SLC7A4: variants seen among roughly 807,000 people sequenced by gnomAD.
SLC7A4 encodes solute carrier family 7 member 4.
In SLC7A4, 30 loss-of-function variants were observed where a neutral mutation model predicts 37.8. That is an observed-to-expected ratio of 0.79 (90% CI 0.59 to 1.08). The LOEUF is 1.08. SLC7A4 is among the 50% of genes least tolerant of loss of function. The pLI is 0.00. For synonymous variants in SLC7A4, 359 were observed against 376.5 expected (o/e 0.95, Z 0.54); for missense variants, 839 against 843.2 (o/e 1.00, Z 0.06).
In SLC7A4 at chr22:21,029,436, C is replaced by T. The variant is rs748445272; in HGVS notation, c.1632G>A (p.Met544Ile). 4.3e-6 allele frequency: 7 copies of T among 1,612,160 alleles called. No homozygotes were observed. The highest frequency in any genetic ancestry group is 2.7e-5 in the African/African-American group (2 of 74,822). ...TGCTCAGGGCTGGAATCAGGGGAAC[C>T]ATGGGGATCTGAGGAGGCAGAGGCA... ...QYREDLFQIPMVPLIPALSIV... is the reference protein window; with the variant it reads ...QYREDLFQIPIVPLIPALSIV... Residue 544 changes from methionine to isoleucine, a missense_variant, in exon 4 of 5, where the codon ATG becomes ATA. Physicochemically the swap from Met to Ile is conservative, Grantham distance 10. Coordinates refer to ENST00000382932, the MANE Select transcript of SLC7A4 (RefSeq NM_004173.3).
chr22:21,030,225 C>T lies in SLC7A4; in HGVS notation c.1109G>A (p.Gly370Asp). ...CGTGAGGAGCCCGAACGCCAGGGTG[C>T]CCGCCACAGGCACCTGTGTCCGGGG... ...VHPRTQVPVA[G>D]TLAFGLLTAF... Residue 370 changes from glycine to aspartate, a missense_variant, in exon 3 of 5, where the codon GGC (glycine) becomes GAC (aspartate). Coordinates refer to ENST00000382932, the MANE Select transcript of SLC7A4 (RefSeq NM_004173.3). 2 of 1,613,760 alleles carry T rather than the reference C, an allele frequency of 1.2e-6. No individual in the cohort carries two copies. The highest frequency in any genetic ancestry group is 1.7e-6 in the Non-Finnish European group (2 of 1,180,024).
At position 21,029,411 on chromosome 22, in the gene SLC7A4, T is replaced by C; in HGVS notation, c.1657A>G (p.Ile553Val). Reference protein sequence around the residue: ...PMVPLIPALSIVLNICLMLKL... With the variant: ...PMVPLIPALSVVLNICLMLKL... ...AGCATGAGGCAGATGTTGAGGACGATGCTCAGGGCTGGAATCAGGGGAACC... is the reference window on the plus strand; with the variant it reads ...AGCATGAGGCAGATGTTGAGGACGACGCTCAGGGCTGGAATCAGGGGAACC... The change falls in exon 4 of 5, where the codon ATC becomes GTC. Residue 553 changes from isoleucine to valine, a missense_variant. Physicochemically the swap from Ile to Val is conservative, Grantham distance 29. Coordinates refer to ENST00000382932, the MANE Select transcript of SLC7A4 (RefSeq NM_004173.3). The C allele has an allele frequency of 3.1e-6, 5 of 1,613,652 alleles. No individual in the cohort carries two copies. Among genetic ancestry groups the C allele is most frequent in the Non-Finnish European group, 4.2e-6 (5 of 1,179,948 alleles).
chr22:21,029,548 G>C (rs1928806180), intron 3 of SLC7A4, 104 bp from the exon 4 acceptor site: 5 of 1,168,666 alleles, frequency 4.3e-6, no homozygotes, highest in Non-Finnish European at 5.0e-6. Context: ...TTCCTCACGG[G>C]AGATTGTGGA....
chr22:21,029,599 G>C (rs773960110), intron 3 of SLC7A4, 112 bp downstream of exon 3: 6 of 1,226,630 alleles, frequency 4.9e-6, no homozygotes, highest in Non-Finnish European at 5.8e-6. Context: ...GTGCGGGATG[G>C]GTGTGTGGTC....
In SLC7A4 at chr22:21,031,564, C is replaced by T; in HGVS notation, c.249G>A (p.Leu83=). 1 of 1,608,344 alleles carries T rather than the reference C, an allele frequency of 6.2e-7. No individual in the cohort carries two copies. The highest frequency in any genetic ancestry group is 8.5e-7 in the Non-Finnish European group (1 of 1,178,200). The change falls in exon 2 of 5, where the codon CTG becomes CTA. Residue 83 remains leucine, a synonymous_variant. Coordinates refer to ENST00000382932, the MANE Select transcript of SLC7A4 (RefSeq NM_004173.3). ...ATTCTGCATAGCATAGGGCTGCCAG[C>T]AGGGAGGCCACAGCGGCCACACCGA... is the stretch of plus-strand genomic sequence containing the variant. ...LSFGVAAVAS[L]LAALCYAEFG...
intron 1 of SLC7A4, 84 bp downstream of exon 1, chr22:21,032,447 C>G (rs981918161): frequency 2.6e-5 from 4 of 153,270 alleles, no homozygotes; most frequent in African/African-American, 7.2e-5. Flanking sequence ...GCCGCGCCCC[C>G]GTCCCCGGAC....
In SLC7A4 at chr22:21,028,980, G is replaced by A; in HGVS notation, c.*75C>T. On this transcript the variant is annotated 3_prime_UTR_variant, in exon 5 of 5. Transcript: ENST00000382932. ...CAAACCCAGGCTGCCCACAACAGAAGGGGCTCTCGGCTTGTCTGGCCTCTC... is the reference window on the plus strand; with the variant it reads ...CAAACCCAGGCTGCCCACAACAGAAAGGGCTCTCGGCTTGTCTGGCCTCTC... 2 of 1,472,600 alleles carry A rather than the reference G, an allele frequency of 1.4e-6. No homozygotes were observed. The highest frequency in any genetic ancestry group is 1.8e-6 in the Non-Finnish European group (2 of 1,101,728). The allele number at this position is 1,472,600 out of a possible 1,614,324, so 91.2% of individuals were successfully genotyped here.
Position 21,031,683 on chromosome 22 carries a change from G to T in SLC7A4, c.130C>A (p.Leu44Ile), listed in dbSNP as rs764236493. ...CCCACCATGCCACCCACGCCCAGAA[G>T]AGTCAGGTCCAGCGTGGACAGGCAG... ...RRCLSTLDLT[L>I]LGVGGMVGSG... is the part of the protein sequence containing the mutation. The change falls in exon 2 of 5, where the codon CTT becomes ATT. Residue 44 changes from leucine to isoleucine, a missense_variant. By Grantham distance (5) the Leu-to-Ile change is conservative. Coordinates refer to ENST00000382932, the MANE Select transcript of SLC7A4 (RefSeq NM_004173.3). The T allele has an allele frequency of 1.9e-6, 3 of 1,613,688 alleles. No homozygotes were observed. In the East Asian group the frequency reaches 6.7e-5, roughly 36 times the overall value.
At position 21,028,992 on chromosome 22, in the gene SLC7A4, TTGTCTGG is replaced by T; in HGVS notation, c.*56_*62del. 1 of 1,509,308 alleles carries T rather than the reference TTGTCTGG, an allele frequency of 6.6e-7. No individual in the cohort carries two copies. Among genetic ancestry groups the T allele is most frequent in the East Asian group, 2.3e-5 (1 of 42,758 alleles). The allele number at this position is 1,509,308 out of a possible 1,614,324, so 93.5% of individuals were successfully genotyped here. ...GCCCACAACAGAAGGGGCTCTCGGC[TTGTCTGG>T]CCTCTCTGGCCTCCCAAGCAGGTGT... On this transcript the variant is annotated 3_prime_UTR_variant, in exon 5 of 5. Coordinates refer to ENST00000382932, the MANE Select transcript of SLC7A4 (RefSeq NM_004173.3).
rs1052318622 is a variant in SLC7A4, at chr22:21,029,003, C to G, written c.*52G>C. 7 of 1,534,880 alleles carry G rather than the reference C, an allele frequency of 4.6e-6. No homozygotes were observed. The African/African-American group carries it at 9.5e-5, about 21-fold the overall frequency. On this transcript the variant is annotated 3_prime_UTR_variant, in exon 5 of 5. Transcript: ENST00000382932. ...AAGGGGCTCTCGGCTTGTCTGGCCT[C>G]TCTGGCCTCCCAAGCAGGTGTGGGA...
In SLC7A4 at chr22:21,030,808, C is replaced by G. The variant is rs1928856630; in HGVS notation, c.982+23G>C. ...TCCCCCTTGCTCTTTTCCCTGCCAC[C>G]CTGCCCAGGAAGAGTCTCTCACCGC... On this transcript the variant is annotated intron_variant, in intron 2 of 4. Transcript: ENST00000382932. The G allele has an allele frequency of 2.6e-6, 4 of 1,537,784 alleles. No individual in the cohort carries two copies. The East Asian group carries it at 6.8e-5, about 26-fold the overall frequency.
chr22:21,031,700 G>A lies in SLC7A4; in HGVS notation c.113C>T (p.Ser38Phe), dbSNP rs778563206. Residue 38 changes from serine to phenylalanine, a missense_variant, in exon 2 of 5, where the codon TCC (serine) becomes TTC (phenylalanine). Ser to Phe is a radical substitution (Grantham distance 155). Transcript: ENST00000382932. The stretch of plus-strand genomic sequence containing the variant: ...GCCCAGAAGAGTCAGGTCCAGCGTG[G>A]ACAGGCAGCGCCGCAGTGACGTCTC... ...TMETSLRRCL[S>F]TLDLTLLGVG... The A allele has an allele frequency of 3.1e-6, 5 of 1,613,290 alleles. No individual in the cohort carries two copies. The South Asian group carries it at 4.4e-5, about 14-fold the overall frequency.
chr22:21,029,413 C>T lies in SLC7A4; in HGVS notation c.1655G>A (p.Ser552Asn). The change falls in exon 4 of 5, where the codon AGC becomes AAC. Residue 552 changes from serine (S) to asparagine (N), a missense_variant. Coordinates refer to ENST00000382932, the MANE Select transcript of SLC7A4 (RefSeq NM_004173.3). ...IPMVPLIPAL[S>N]IVLNICLMLK... ...CATGAGGCAGATGTTGAGGACGATG[C>T]TCAGGGCTGGAATCAGGGGAACCAT... 2 of 1,613,640 alleles carry T rather than the reference C, an allele frequency of 1.2e-6. No homozygotes were observed. Among genetic ancestry groups the T allele is most frequent in the Non-Finnish European group, 8.5e-7 (1 of 1,179,924 alleles).
In SLC7A4 at chr22:21,031,038, C is replaced by T. The variant is rs1420406397; in HGVS notation, c.775G>A (p.Glu259Lys). ...VGFDVIAASS[E>K]EAQNPRRSVP... is the part of the protein sequence containing the mutation. ...GACCGCCGTGGGTTCTGGGCCTCCT[C>T]ACTGGAGGCGGCAATGACGTCGAAG... Residue 259 changes from glutamate to lysine, a missense_variant, in exon 2 of 5, where the codon GAG becomes AAG. Transcript: ENST00000382932. 1.2e-6 allele frequency: 2 copies of T among 1,613,990 alleles called. No individual in the cohort carries two copies. The highest frequency in any genetic ancestry group is 2.7e-5 in the African/African-American group (2 of 74,938).
At chr22:21,032,107 C>A (rs1180777764) in intron 1 of SLC7A4, among the ~76,000 whole-genome samples, 4 of 140,810 alleles carry the variant, frequency 2.8e-5, no homozygotes, top group African/African-American at 1.0e-4. Flanking sequence ...TGCTCACCCG[C>A]TCGGTGGCCC....
rs758844652 is a variant in SLC7A4, at chr22:21,031,351, C to G, written c.462G>C (p.Glu154Asp). 1.2e-6 allele frequency: 2 copies of G among 1,611,392 alleles called. No homozygotes were observed. Among genetic ancestry groups the G allele is most frequent in the Admixed American group, 1.7e-5 (1 of 59,890 alleles). ...GCACCTGCCAAGAACCCACGTGGGTCTCAGTGAAGTTGCGGATGCTGTGGC... is the reference window on the plus strand; with the variant it reads ...GCACCTGCCAAGAACCCACGTGGGTGTCAGTGAAGTTGCGGATGCTGTGGC... ...MFSHSIRNFT[E>D]THVGSWQVPL... The change falls in exon 2 of 5, where the codon GAG (glutamate) becomes GAC (aspartate). Residue 154 changes from glutamate to aspartate, a missense_variant. Coordinates refer to ENST00000382932, the MANE Select transcript of SLC7A4 (RefSeq NM_004173.3).
chr22:21,029,595 G>A, intron 3 of SLC7A4, 116 bp downstream of exon 3: 2 of 1,207,596 alleles, frequency 1.7e-6, no homozygotes, highest in Non-Finnish European at 2.4e-6. Flanking sequence ...AGGGGTGCGG[G>A]ATGGGTGTGT....
In SLC7A4 at chr22:21,031,046, G is replaced by C; in HGVS notation, c.767C>G (p.Ala256Gly). 3 of 1,614,160 alleles carry C rather than the reference G, an allele frequency of 1.9e-6. No individual in the cohort carries two copies. In the South Asian group the frequency reaches 3.3e-5, roughly 18 times the overall value. The change falls in exon 2 of 5, where the codon GCC becomes GGC. Residue 256 changes from alanine (A) to glycine (G), a missense_variant. Transcript: ENST00000382932. ...TGGGTTCTGGGCCTCCTCACTGGAGGCGGCAATGACGTCGAAGCCCACGAA... is the reference window on the plus strand; with the variant it reads ...TGGGTTCTGGGCCTCCTCACTGGAGCCGGCAATGACGTCGAAGCCCACGAA... Reference protein sequence around the residue: ...YAFVGFDVIAASSEEAQNPRR... With the variant: ...YAFVGFDVIAGSSEEAQNPRR...
In SLC7A4 at chr22:21,031,463, AG is replaced by A; in HGVS notation, c.349del (p.Leu117SerfsTer174). On this transcript the variant is annotated frameshift_variant, in exon 2 of 5. Transcript: ENST00000382932. LOFTEE classifies it high-confidence loss of function. ...YVSMGELWAF[L>X]IGWNVLLEYI... is the part of the protein sequence containing the mutation. ...TTCGAGGAGAACATTCCAGCCGATGAGGAAGGCCCACAGCTCGCCCATGGAT... is the reference window on the plus strand; with the variant it reads ...TTCGAGGAGAACATTCCAGCCGATGAGAAGGCCCACAGCTCGCCCATGGAT... 6.2e-7 allele frequency: 1 copy of A among 1,603,836 alleles called. No individual in the cohort carries two copies. Among genetic ancestry groups the A allele is most frequent in the Non-Finnish European group, 8.5e-7 (1 of 1,175,290 alleles).
Sources: gnomAD v4.1 joint callset for allele counts (sites outside exome capture counted in the v4.1 genomes callset) on GRCh38, gnomAD v4.1.1 for gene constraint, MANE v1.5 for transcripts, NCBI Gene and HGNC (gene_info 2026-07-23, HGNC 2026-07-21) for gene names.